The following RBM12B variants were observed in gnomAD, a reference collection of about 807,000 sequenced individuals.
RBM12B encodes the protein RNA-binding protein 12B.
A neutral mutation model predicts 34.3 loss-of-function variants in RBM12B; 10 were observed. The ratio of observed to expected loss-of-function variants is 0.29; its 90% CI spans 0.18 to 0.49. The LOEUF (loss-of-function observed/expected upper bound fraction) is 0.49, where lower values mean the gene tolerates loss of function less well. Ranked by LOEUF, RBM12B falls within the 20% of genes least tolerant of loss-of-function variation. The pLI, the probability that RBM12B is intolerant of heterozygous loss-of-function variation, is 0.99. For missense variants in RBM12B, 1,139 were observed against 1,262.7 expected (o/e 0.90, Z 1.48); for synonymous variants, 477 against 437.1 (o/e 1.09, Z -1.14).
In RBM12B at chr8:93,732,281, T is replaced by TAA. The variant is rs1207876249; in HGVS notation, c.*1122_*1123dup. ...TGCCTAGCACATAGTAAGTGCCTAATAAATGTTAGCCATAAATATTATTGT... is the reference window on the plus strand; with the variant it reads ...TGCCTAGCACATAGTAAGTGCCTAATAAAAATGTTAGCCATAAATATTATTGT... On this transcript the variant is annotated 3_prime_UTR_variant, in exon 4 of 4. Coordinates refer to ENST00000520560, the MANE Select transcript of RBM12B (RefSeq NM_001377960.1). 6.6e-6 allele frequency: 1 copy of TAA among 152,224 alleles called. No individual in the cohort carries two copies. Among genetic ancestry groups the TAA allele is most frequent in the Non-Finnish European group, 1.5e-5 (1 of 68,036 alleles). The allele number at this position is 152,224 out of a possible 1,614,324, so 9.4% of individuals were successfully genotyped here. A position where few individuals can be genotyped will look rare whatever the true frequency, so the allele number is the denominator to read the frequency against.
rs1399232202 is a variant in RBM12B at position 93,730,248 on chromosome 8, A to C, written c.*3157T>G. The C allele has an allele frequency of 1.3e-5, 2 of 152,240 alleles. No individual in the cohort carries two copies. Among genetic ancestry groups the C allele is most frequent in the African/African-American group, 4.8e-5 (2 of 41,462 alleles). The allele number at this position is 152,240 out of a possible 1,614,324, so 9.4% of individuals were successfully genotyped here. ...TAATATTTACTGCAAAAACAGAGGC[A>C]GCAAGGTCACTACTTAACAGGTGAT... is the stretch of plus-strand genomic sequence containing the variant. On this transcript the variant is annotated 3_prime_UTR_variant, in exon 4 of 4. Coordinates refer to ENST00000520560, the MANE Select transcript of RBM12B (RefSeq NM_001377960.1).
chr8:93,730,494 G>A lies in RBM12B; in HGVS notation c.*2911C>T, dbSNP rs143901610. The A allele has an allele frequency of 6.6e-6, 1 of 152,172 alleles. No individual in the cohort carries two copies. Among genetic ancestry groups the A allele is most frequent in the Non-Finnish European group, 1.5e-5 (1 of 68,032 alleles). The allele number at this position is 152,172 out of a possible 1,614,324, so 9.4% of individuals were successfully genotyped here. ...CTCCAGTGTACCTGGTATACCTTGAGGATAGGAGAGGAAAAACTGGCTATG... is the reference window on the plus strand; with the variant it reads ...CTCCAGTGTACCTGGTATACCTTGAAGATAGGAGAGGAAAAACTGGCTATG... On this transcript the variant is annotated 3_prime_UTR_variant, in exon 4 of 4. Transcript: ENST00000520560.
chr8:93,734,229 G>C lies in RBM12B; in HGVS notation c.2182C>G (p.Gln728Glu). 6.2e-7 allele frequency: 1 copy of C among 1,604,738 alleles called. No homozygotes were observed. The highest frequency in any genetic ancestry group is 1.7e-4 in the Middle Eastern group (1 of 5,986). The change falls in exon 4 of 4, where the codon CAG becomes GAG. Residue 728 changes from glutamine to glutamate, a missense_variant. Around this residue, in one of 3 missense-constraint regions of RBM12B, gnomAD observed 863 missense variants for 869.5 expected, o/e 0.99. Coordinates refer to ENST00000520560, the MANE Select transcript of RBM12B (RefSeq NM_001377960.1). ...GGGGGTGGCCGACGGAAATGCTCCT[G>C]AGGTGGCCTCCGGAAATGCTCCTGG... is the stretch of plus-strand genomic sequence containing the variant. ...SPQEHFRRPP[Q>E]EHFRRPPPEH... is the part of the protein sequence containing the mutation.
Position 93,734,602 on chromosome 8 carries a change from G to T in RBM12B, c.1809C>A (p.Phe603Leu). ...EDFRRPWEED[F>L]RRPPEDDFRH... ...TGAAGTCATCCTCCGGAGGGCGCCTGAAATCTTCCTCCCAAGGGCGCCTGA... is the reference window on the plus strand; with the variant it reads ...TGAAGTCATCCTCCGGAGGGCGCCTTAAATCTTCCTCCCAAGGGCGCCTGA... Residue 603 changes from phenylalanine to leucine, a missense_variant, in exon 4 of 4, where the codon TTC becomes TTA. Physicochemically the swap from Phe to Leu is conservative, Grantham distance 22 (BLOSUM62 0). This residue lies in a region of RBM12B where 863 missense variants were observed against 869.5 expected (regional missense o/e 0.99). Coordinates refer to ENST00000520560, the MANE Select transcript of RBM12B (RefSeq NM_001377960.1). 7 of 1,612,932 alleles carry T rather than the reference G, an allele frequency of 4.3e-6. No individual in the cohort carries two copies. Among genetic ancestry groups the T allele is most frequent in the Non-Finnish European group, 5.9e-6 (7 of 1,179,642 alleles).
chr8:93,737,613 CTT>C (rs149993816), intron 2 of RBM12B, among the ~76,000 whole-genome samples: 3,128 of 152,098 alleles, frequency 0.021, 96 homozygotes, highest in African/African-American at 0.071. Flanking sequence ...AACAACTGCT[CTT>C]GATTGGAAGT....
At position 93,731,401 on chromosome 8, in the gene RBM12B, A is replaced by G. The variant is rs1315779272; in HGVS notation, c.*2004T>C. 3 of 152,304 alleles carry G rather than the reference A, an allele frequency of 2.0e-5. No homozygotes were observed. Among genetic ancestry groups the G allele is most frequent in the East Asian group, 3.9e-4 (2 of 5,186 alleles). 9.4% of individuals were successfully genotyped at this position (152,304 alleles called of 1,614,324 possible). On this transcript the variant is annotated 3_prime_UTR_variant, in exon 4 of 4. Transcript: ENST00000520560. ...TTGCTCAATTAAAAATATCATTTCT[A>G]CTTTCTTCATTGTGCTTGGTTTGGA...
rs769560540 is a variant in RBM12B at position 93,734,361 on chromosome 8, T to G, written c.2050A>C (p.Arg684=). Reference sequence around the variant, plus strand: ...CTCCATTCTCCCTGAAGAGGCCGCCTAAAGTCCTCCTCTGGGGGCCGTCTC... The same window carrying G: ...CTCCATTCTCCCTGAAGAGGCCGCCGAAAGTCCTCCTCTGGGGGCCGTCTC... ...DWRRPPEEDF[R]RPLQGEWRRP... Residue 684 remains arginine, a synonymous_variant, in exon 4 of 4, where the codon AGG becomes CGG. Coordinates refer to ENST00000520560, the MANE Select transcript of RBM12B (RefSeq NM_001377960.1). 1.9e-6 allele frequency: 3 copies of G among 1,611,620 alleles called. No individual in the cohort carries two copies. Among genetic ancestry groups the G allele is most frequent in the African/African-American group, 2.7e-5 (2 of 74,026 alleles).
rs1811999740 is a variant in RBM12B, at chr8:93,735,732, G to C, written c.679C>G (p.Gln227Glu). The C allele has an allele frequency of 6.2e-7, 1 of 1,613,970 alleles. No individual in the cohort carries two copies. Residue 227 changes from glutamine (Q) to glutamate (E), a missense_variant, in exon 4 of 4, where the codon CAA (glutamine) becomes GAA (glutamate). Physicochemically the swap from Gln to Glu is conservative, Grantham distance 29 (BLOSUM62 2). Coordinates refer to ENST00000520560, the MANE Select transcript of RBM12B (RefSeq NM_001377960.1). Reference sequence around the variant, plus strand: ...TCAATCCACTGTTGTTCTGATCCTTGCATTACTTCTATAAATCTTGAACCC... The same window carrying C: ...TCAATCCACTGTTGTTCTGATCCTTCCATTACTTCTATAAATCTTGAACCC... The part of the protein sequence containing the change: ...FMGSRFIEVM[Q>E]GSEQQWIEFG...
rs1811704353 is a variant in RBM12B, at chr8:93,729,523, TA to T, written c.*3881del. The T allele has an allele frequency of 6.6e-6, 1 of 152,176 alleles. No individual in the cohort carries two copies. Among genetic ancestry groups the T allele is most frequent in the African/African-American group, 2.4e-5 (1 of 41,460 alleles). The allele number at this position is 152,176 out of a possible 1,614,324, so 9.4% of individuals were successfully genotyped here. On this transcript the variant is annotated 3_prime_UTR_variant, in exon 4 of 4. Transcript: ENST00000520560. ...TCTTGAGCATTATTTGCCTTGTTTG[TA>T]AAGTTAAAACTGCGTAAAACAGTAA...
chr8:93,736,649 T>G (rs1018678139), intron 3 of RBM12B, among the ~76,000 whole-genome samples: 1 of 152,186 alleles, frequency 6.6e-6, no homozygotes, highest in Non-Finnish European at 1.5e-5. Flanking sequence ...ACCAACTACC[T>G]TGAAGAAACA....
chr8:93,740,069 T>G, intron 2 of RBM12B: 1 of 339,498 alleles, frequency 2.9e-6, no homozygotes, highest in Non-Finnish European at 5.8e-6. Flanking sequence ...AAGCCCAAGG[T>G]CATGATGTAG....
chr8:93,735,266 C>T lies in RBM12B; in HGVS notation c.1145G>A (p.Arg382Lys). The T allele has an allele frequency of 6.2e-7, 1 of 1,613,666 alleles. No individual in the cohort carries two copies. Residue 382 changes from arginine (R) to lysine (K), a missense_variant, in exon 4 of 4, where the codon AGG (arginine) becomes AAG (lysine). This residue lies in a region of RBM12B where 863 missense variants were observed against 869.5 expected (regional missense o/e 0.99). Coordinates refer to ENST00000520560, the MANE Select transcript of RBM12B (RefSeq NM_001377960.1). ...KKRSGSLERDRPGHVSQKYSQ... is the reference protein window; with the variant it reads ...KKRSGSLERDKPGHVSQKYSQ... ...GTATTTTTGTGAAACATGTCCGGGCCTATCTCTCTCTAGTGACCCTGATCT... is the reference window on the plus strand; with the variant it reads ...GTATTTTTGTGAAACATGTCCGGGCTTATCTCTCTCTAGTGACCCTGATCT...
At chr8:93,738,370 A>AT (rs1812088226) in intron 2 of RBM12B, among the ~76,000 whole-genome samples, 1 of 152,198 alleles carries the variant, frequency 6.6e-6, no homozygotes, top group African/African-American at 2.4e-5. Flanking sequence ...TCTCAATGTA[A>AT]TTTTTTAAAG....
rs111589624 is a variant in RBM12B, at chr8:93,735,268, A to C, written c.1143T>G (p.Asp381Glu). 28,538 of 1,613,948 alleles carry C rather than the reference A, an allele frequency of 0.018. 272 individuals are homozygous for C. Among genetic ancestry groups the C allele is most frequent in the Non-Finnish European group, 0.02 (24,004 of 1,179,962 alleles). The change falls in exon 4 of 4, where the codon GAT becomes GAG. Residue 381 changes from aspartate (D) to glutamate (E), a missense_variant. Coordinates refer to ENST00000520560, the MANE Select transcript of RBM12B (RefSeq NM_001377960.1). Reference sequence around the variant, plus strand: ...ATTTTTGTGAAACATGTCCGGGCCTATCTCTCTCTAGTGACCCTGATCTCT... The same window carrying C: ...ATTTTTGTGAAACATGTCCGGGCCTCTCTCTCTCTAGTGACCCTGATCTCT... ...EKKRSGSLER[D>E]RPGHVSQKYS...
chr8:93,740,018 G>T, intron 2 of RBM12B: 1 of 301,002 alleles, frequency 3.3e-6, no homozygotes, highest in South Asian at 2.8e-5. Context: ...TCCAGATATG[G>T]TGAGGGAGAG....
rs763586571 is a variant in RBM12B at position 93,732,646 on chromosome 8, AG to A, written c.*758del. The A allele has an allele frequency of 6.6e-6, 1 of 152,328 alleles. No homozygotes were observed. Among genetic ancestry groups the A allele is most frequent in the Non-Finnish European group, 1.5e-5 (1 of 68,020 alleles). The allele number at this position is 152,328 out of a possible 1,614,324, so 9.4% of individuals were successfully genotyped here. On this transcript the variant is annotated 3_prime_UTR_variant, in exon 4 of 4. Coordinates refer to ENST00000520560, the MANE Select transcript of RBM12B (RefSeq NM_001377960.1). ...TTGAAGAAACCATGGAATTATACAC[AG>A]CACTATACATTATTACTATAGAATG...
Position 93,733,881 on chromosome 8 carries a change from TG to T in RBM12B, c.2529del (p.Phe843LeufsTer44). ...EDFRCPSDED[F>X]RQLPEEDLRE... ...CTAAGGTCTTCCTCTGGGAGCTGCCTGAAGTCCTCATCAGAAGGGCATCTAA... is the reference window on the plus strand; with the variant it reads ...CTAAGGTCTTCCTCTGGGAGCTGCCTAAGTCCTCATCAGAAGGGCATCTAA... On this transcript the variant is annotated frameshift_variant, in exon 4 of 4. Transcript: ENST00000520560. LOFTEE classifies it high-confidence loss of function. 1 of 1,613,930 alleles carries T rather than the reference TG, an allele frequency of 6.2e-7. No homozygotes were observed. Among genetic ancestry groups the T allele is most frequent in the Non-Finnish European group, 8.5e-7 (1 of 1,179,950 alleles).
At chr8:93,740,545 G>A (rs1480088894) in intron 2 of RBM12B, 84 bp downstream of exon 2, 2 of 456,690 alleles carry the variant, frequency 4.4e-6, no homozygotes, top group Non-Finnish European at 4.4e-6. Context: ...GAAAACACTT[G>A]CCCTTCTCAA....
rs1459060861 is a variant in RBM12B, at chr8:93,733,094, C to T, written c.*311G>A. On this transcript the variant is annotated 3_prime_UTR_variant, in exon 4 of 4. Transcript: ENST00000520560. ...TAAAATGTATCTTCCCCAAATACAA[C>T]TCTACTTCAATAAGTCTTGAAGATT... 1 of 182,094 alleles carries T rather than the reference C, an allele frequency of 5.5e-6. No homozygotes were observed. Among genetic ancestry groups the T allele is most frequent in the Non-Finnish European group, 1.1e-5 (1 of 88,946 alleles). The allele number at this position is 182,094 out of a possible 1,614,324, so 11.3% of individuals were successfully genotyped here.
Sources: gnomAD v4.1 joint callset for allele counts (sites outside exome capture counted in the v4.1 genomes callset) on GRCh38, gnomAD v4.1.1 for gene constraint, gnomAD v4.1.1 regional missense constraint, MANE v1.5 for transcripts, NCBI Gene and HGNC (gene_info 2026-07-23, HGNC 2026-07-21) for gene names.